The following NKD1 variants were observed in gnomAD, a reference collection of about 807,000 sequenced individuals.
The protein encoded by NKD1 is NKD inhibitor of Wnt signaling pathway 1, also known as protein naked cuticle homolog 1.
A neutral mutation model predicts 56.0 loss-of-function variants in NKD1; 21 were observed. The observed-to-expected ratio is 0.38, with a 90% CI of 0.27 to 0.54. The LOEUF is 0.54. Ranked by LOEUF, NKD1 falls within the 20% of genes least tolerant of loss-of-function variation. The pLI, the probability that NKD1 is intolerant of heterozygous loss-of-function variation, is 0.82. For synonymous variants in NKD1, 263 were observed against 265.7 expected, an observed-to-expected ratio of 0.99 and a Z score of 0.10; for missense variants, 578 against 642.7, an observed-to-expected ratio of 0.90 and a Z score of 1.09.
At position 50,574,205 on chromosome 16, in the gene NKD1, G is replaced by A. The variant is rs997023580; in HGVS notation, c.192+24650G>A. ...TCTACCTCACCACTACCTCTTCTGG[G>A]ACTCAATTTTCTCTCCTGTCAAATG... On this transcript the variant is annotated intron_variant, in intron 3 of 9. Transcript: ENST00000268459. The A allele has an allele frequency of 8.1e-6, 8 of 985,060 alleles. No homozygotes were observed. The East Asian group carries it at 3.4e-4, about 42-fold the overall frequency. The allele number at this position is 985,060 out of a possible 1,614,324, so 61.0% of individuals were successfully genotyped here. A position where few individuals can be genotyped will look rare whatever the true frequency, so the allele number is the denominator to read the frequency against.
rs1298224695 is a variant in NKD1 at position 50,632,256 on chromosome 16, C to T, written c.696-25C>T. 2 of 1,613,334 alleles carry T rather than the reference C, an allele frequency of 1.2e-6. No individual in the cohort carries two copies. Among genetic ancestry groups the T allele is most frequent in the Non-Finnish European group, 1.7e-6 (2 of 1,179,454 alleles). ...CCCCACCTGGTGGTTGGTGTTATCC[C>T]ACTCACTTGCCTCCCCTGCCGTAGG... On this transcript the variant is annotated intron_variant, in intron 8 of 9. Transcript: ENST00000268459. This position sits in a 1 kb window ranked among gnomAD's most constrained non-coding sequence, Gnocchi z 4.1.
At chr16:50,596,806 C>T (rs1352881828) in intron 3 of NKD1, among the ~76,000 whole-genome samples, 5 of 152,170 alleles carry the variant, frequency 3.3e-5, no homozygotes, top group African/African-American at 1.2e-4. Flanking sequence ...GGGAAGACCT[C>T]ACCTAGGTGA....
intron 8 of NKD1, 126 bp downstream of exon 8, chr16:50,631,036 C>A (rs2151281093): frequency 1.6e-6 from 1 of 613,336 alleles, no homozygotes; most frequent in Non-Finnish European, 2.8e-6. Flanking sequence ...TTTTGATGCA[C>A]AGACTCATAA....
At chr16:50,552,722 A>G (rs1960417194) in intron 3 of NKD1, among the ~76,000 whole-genome samples, 1 of 152,246 alleles carries the variant, frequency 6.6e-6, no homozygotes, top group South Asian at 2.1e-4. Flanking sequence ...TGATGGGATT[A>G]TAACTGTTGA....
intron 3 of NKD1, among the ~76,000 whole-genome samples, chr16:50,605,730 A>G (rs545178545): frequency 6.6e-6 from 1 of 152,244 alleles, no homozygotes; most frequent in Non-Finnish European, 1.5e-5. Flanking sequence ...GGACTTGAGC[A>G]TCTACAGATT....
At chr16:50,599,279 C>G (rs1433067024) in intron 3 of NKD1, among the ~76,000 whole-genome samples, 2 of 152,156 alleles carry the variant, frequency 1.3e-5, no homozygotes, top group Admixed American at 6.5e-5. Flanking sequence ...GGCCACTCAC[C>G]AAGCACTGTA....
Position 50,595,671 on chromosome 16 carries a change from G to A in NKD1, c.193-12623G>A, listed in dbSNP as rs558110200. ...CACACGTGGACCTCCTGGGGTTGTT[G>A]GGTGAGGTACAAGTGTGATGGGTGA... On this transcript the variant is annotated intron_variant, in intron 3 of 9. Transcript: ENST00000268459. 3.9e-5 allele frequency among the ~76,000 whole-genome samples: 6 copies of A among 152,298 alleles called. No homozygotes were observed. In the South Asian group the frequency reaches 1.2e-3, roughly 32 times the overall value.
At position 50,633,846 on chromosome 16, in the gene NKD1, T is replaced by C; in HGVS notation, c.*65T>C. On this transcript the variant is annotated 3_prime_UTR_variant, in exon 10 of 10. Transcript: ENST00000268459. This position sits in a 1 kb window ranked among gnomAD's most constrained non-coding sequence, Gnocchi z 4.9. ...CCACCCCCGACACCACAAGGCATTA[T>C]TATTCTATTAATTATTGTTATTATG... The C allele has an allele frequency of 1.4e-6, 1 of 711,638 alleles. No homozygotes were observed. Among genetic ancestry groups the C allele is most frequent in the South Asian group, 2.3e-5 (1 of 42,624 alleles). The allele number at this position is 711,638 out of a possible 1,614,324, so 44.1% of individuals were successfully genotyped here.
At chr16:50,575,643 G>A (rs1334358230) in intron 3 of NKD1, among the ~76,000 whole-genome samples, 1 of 152,186 alleles carries the variant, frequency 6.6e-6, no homozygotes, top group Non-Finnish European at 1.5e-5. Flanking sequence ...TGGAGGCTCT[G>A]GCCAGTGACC....
intron 3 of NKD1, among the ~76,000 whole-genome samples, chr16:50,582,355 CT>C (rs1961135789): frequency 6.6e-6 from 1 of 152,222 alleles, no homozygotes; most frequent in South Asian, 2.1e-4. Flanking sequence ...GAGCTGCCCC[CT>C]CCCACATATC....
chr16:50,606,505 A>G (rs1405390802), intron 3 of NKD1: 3 of 333,400 alleles, frequency 9.0e-6, no homozygotes, highest in African/African-American at 4.3e-5. Flanking sequence ...TGAGTGTGTC[A>G]GAGAGCTTGG....
chr16:50,633,461 G>T lies in NKD1; in HGVS notation c.1093G>T (p.Ala365Ser). Residue 365 changes from alanine to serine, a missense_variant, in exon 10 of 10, where the codon GCA becomes TCA. By Grantham distance (99) the Ala-to-Ser change is moderately conservative. Transcript: ENST00000268459. The surrounding 1 kb of genome is among the most constrained non-coding windows in gnomAD (Gnocchi z 4.9). ...GGGTGTGGGCCACGTGGCCAGAGGG[G>T]CAAGAAACAAGCCCCCTCTGGGACC... ...SVGVGHVARG[A>S]RNKPPLGPAI... The T allele has an allele frequency of 6.2e-7, 1 of 1,609,416 alleles. No homozygotes were observed. The highest frequency in any genetic ancestry group is 8.5e-7 in the Non-Finnish European group (1 of 1,177,472).
At position 50,634,417 on chromosome 16, in the gene NKD1, T is replaced by C. The variant is rs757895710; in HGVS notation, c.*636T>C. ...CCCAAGAGTCCCATCTCTTCTGCCA[T>C]GCACGACATGAAAATCCACTTCTCT... On this transcript the variant is annotated 3_prime_UTR_variant, in exon 10 of 10. Coordinates refer to ENST00000268459, the MANE Select transcript of NKD1 (RefSeq NM_033119.5). 6 of 152,504 alleles carry C rather than the reference T, an allele frequency of 3.9e-5. No homozygotes were observed. Among genetic ancestry groups the C allele is most frequent in the Non-Finnish European group, 5.9e-5 (4 of 68,050 alleles). 9.4% of individuals were successfully genotyped at this position (152,504 alleles called of 1,614,324 possible).
intron 3 of NKD1, chr16:50,566,163 G>T: frequency 2.0e-6 from 2 of 985,372 alleles, no homozygotes; most frequent in Non-Finnish European, 2.4e-6. Flanking sequence ...CTGTGGATCC[G>T]TTGGGACCTT....
At chr16:50,594,959 G>A (rs1961443174) in intron 3 of NKD1, among the ~76,000 whole-genome samples, 1 of 152,196 alleles carries the variant, frequency 6.6e-6, no homozygotes, top group Non-Finnish European at 1.5e-5. Context: ...AGAAGTCCAC[G>A]CAGCATTCCC....
rs977485321 is a variant in NKD1 at position 50,548,434 on chromosome 16, C to T, written c.-120C>T. On this transcript the variant is annotated 5_prime_UTR_variant, in exon 1 of 10. Transcript: ENST00000268459. ...CGACGGCGGCAGGAGCGCGTCCCGGCGCCGCCTCGGGCTCCGCTCGGCTCG... is the reference window on the plus strand; with the variant it reads ...CGACGGCGGCAGGAGCGCGTCCCGGTGCCGCCTCGGGCTCCGCTCGGCTCG... 175 of 626,756 alleles carry T rather than the reference C, an allele frequency of 2.8e-4. 2 individuals carry two copies. The highest frequency in any genetic ancestry group is 1.8e-3 in the South Asian group (27 of 14,682). 38.8% of individuals were successfully genotyped at this position (626,756 alleles called of 1,614,324 possible). A position where few individuals can be genotyped will look rare whatever the true frequency, so the allele number is the denominator to read the frequency against.
At chr16:50,604,651 G>A (rs769912023) in intron 3 of NKD1, among the ~76,000 whole-genome samples, 2 of 152,224 alleles carry the variant, frequency 1.3e-5, no homozygotes, top group South Asian at 2.1e-4. Flanking sequence ...TCCCCAAGGT[G>A]GTGCAGCATG....
chr16:50,572,862 T>C, intron 3 of NKD1: 1 of 984,766 alleles, frequency 1.0e-6, no homozygotes, highest in Non-Finnish European at 1.2e-6. Context: ...AAAGTCAGTC[T>C]CTGGAGCCAA....
intron 3 of NKD1, among the ~76,000 whole-genome samples, chr16:50,600,671 A>G (rs939284538): frequency 2.6e-5 from 4 of 152,210 alleles, no homozygotes; most frequent in Admixed American, 6.5e-5. Flanking sequence ...CAGCCCAGGA[A>G]GTGGCCTTTG....
Sources: allele counts gnomAD v4.1 joint callset (sites outside exome capture counted in the v4.1 genomes callset), GRCh38; gene constraint gnomAD v4.1.1; non-coding constraint Gnocchi (gnomAD v3.1); transcripts MANE v1.5; gene names NCBI Gene and HGNC (gene_info 2026-07-23, HGNC 2026-07-21).